Variants in LRP6 observed in about 807,000 individuals in gnomAD.
LRP6 encodes the protein LDL receptor related protein 6.
A neutral mutation model predicts 184.1 loss-of-function variants in LRP6; 43 were observed. The ratio of observed to expected loss-of-function variants is 0.23; its 90% CI spans 0.18 to 0.30. The LOEUF (loss-of-function observed/expected upper bound fraction) is 0.30. Ranked by LOEUF, LRP6 falls within the 10% of genes least tolerant of loss-of-function variation. LRP6 has a pLI of 1.00. For missense variants in LRP6, 1,571 were observed against 2,005.3 expected (o/e 0.78, Z 4.14); for synonymous variants, 719 against 684.9 (o/e 1.05, Z -0.78).
At chr12:12,251,056 T>A (rs7302733) in intron 1 of LRP6, among the ~76,000 whole-genome samples, 6 of 151,798 alleles carry the variant, frequency 4.0e-5, no homozygotes, top group African/African-American at 1.2e-4. Context: ...TCAGCCTCCC[T>A]CGTAGGTGGG....
At position 12,266,854 on chromosome 12, in the gene LRP6, G is replaced by C; in HGVS notation, c.-119C>G. The C allele has an allele frequency of 1.2e-6, 1 of 850,264 alleles. No homozygotes were observed. The allele number at this position is 850,264 out of a possible 1,614,324, so 52.7% of individuals were successfully genotyped here. A position where few individuals can be genotyped will look rare whatever the true frequency, so the allele number is the denominator to read the frequency against. On this transcript the variant is annotated 5_prime_UTR_variant, in exon 1 of 23. Coordinates refer to ENST00000261349, the MANE Select transcript of LRP6 (RefSeq NM_002336.3). ...CACGCTCATACTTCCCAGCTTCCCAGCGAGAGAAGAAAGAAAGGGGCACGT... is the reference window on the plus strand; with the variant it reads ...CACGCTCATACTTCCCAGCTTCCCACCGAGAGAAGAAAGAAAGGGGCACGT...
chr12:12,235,506 G>A (rs376874681), intron 2 of LRP6, among the ~76,000 whole-genome samples: 32 of 152,116 alleles, frequency 2.1e-4, no homozygotes, highest in African/African-American at 7.5e-4. Context: ...CAAAGCAGGC[G>A]GATCACCTGA....
chr12:12,231,718 A>C (rs1864795155), intron 2 of LRP6, among the ~76,000 whole-genome samples: 1 of 151,638 alleles, frequency 6.6e-6, no homozygotes, highest in South Asian at 2.1e-4. Flanking sequence ...AAACAACAAC[A>C]AAAAAAACTC....
chr12:12,120,042 T>TATATATAA lies in LRP6; in HGVS notation c.*1083_*1084insTTATATAT, dbSNP rs1353537300. On this transcript the variant is annotated 3_prime_UTR_variant, in exon 23 of 23. Coordinates refer to ENST00000261349, the MANE Select transcript of LRP6 (RefSeq NM_002336.3). ...ATATATATATATATATATATATATA[T>TATATATAA]AAATGATTTCGTACTGTGATATATG... 2.7e-5 allele frequency: 3 copies of TATATATAA among 110,846 alleles called. No homozygotes were observed. Among genetic ancestry groups the TATATATAA allele is most frequent in the African/African-American group, 1.1e-4 (3 of 28,288 alleles). 6.9% of individuals were successfully genotyped at this position (110,846 alleles called of 1,614,324 possible).
intron 12 of LRP6, among the ~76,000 whole-genome samples, chr12:12,154,310 T>C (rs536435335): frequency 3.3e-5 from 5 of 152,198 alleles, no homozygotes; most frequent in Non-Finnish European, 7.3e-5. Context: ...GTTCTTGACA[T>C]AAATGTCATT....
rs193257738 is a variant in LRP6 at position 12,198,129 on chromosome 12, G to A, written c.647+5074C>T. On this transcript the variant is annotated intron_variant, in intron 3 of 22. Transcript: ENST00000261349. ...AGGCAGGGTTTCACCATGTTGGCCA[G>A]GATGGTCTCACTCCTGACTTCAGGC... 2.0e-3 allele frequency among the ~76,000 whole-genome samples: 303 copies of A among 152,302 alleles called. 1 individual carries two copies. Among genetic ancestry groups the A allele is most frequent in the African/African-American group, 6.9e-3 (285 of 41,566 alleles).
At chr12:12,187,211 C>T in intron 3 of LRP6, 92 bp from the exon 4 acceptor site, 2 of 1,012,418 alleles carry the variant, frequency 2.0e-6, no homozygotes, top group Non-Finnish European at 1.5e-6. Context: ...TCTTAGTTCA[C>T]ATTAACACAT....
intron 20 of LRP6, 50 bp from the exon 21 acceptor site, chr12:12,125,482 T>G: frequency 6.5e-7 from 1 of 1,532,232 alleles, no homozygotes. Context: ...TATATAAAAA[T>G]GTATCAAGCA....
chr12:12,141,900 T>C (rs1323336827), intron 15 of LRP6, among the ~76,000 whole-genome samples: 1 of 152,212 alleles, frequency 6.6e-6, no homozygotes, highest in Admixed American at 6.5e-5. Context: ...GTCCTTTCTA[T>C]CTGCAAACTT....
At chr12:12,143,861 C>A (rs1441685722) in intron 15 of LRP6, among the ~76,000 whole-genome samples, 1 of 152,076 alleles carries the variant, frequency 6.6e-6, no homozygotes, top group Non-Finnish European at 1.5e-5. Flanking sequence ...TTATGTGGTA[C>A]AAGTTTTTTT....
intron 1 of LRP6, chr12:12,249,405 C>T (rs950355037): frequency 9.4e-6 from 8 of 851,140 alleles, no homozygotes; most frequent in African/African-American, 3.3e-5. Flanking sequence ...CCTCAGCCAC[C>T]TCAAGGACAG....
intron 7 of LRP6, among the ~76,000 whole-genome samples, chr12:12,173,446 G>A (rs1049294250): frequency 5.3e-5 from 8 of 152,076 alleles, no homozygotes; most frequent in Non-Finnish European, 1.0e-4. Context: ...AGACTCAGGT[G>A]ATCCTCCCAC....
chr12:12,164,715 A>C (rs1209737722), intron 8 of LRP6, among the ~76,000 whole-genome samples, 153 bp from the exon 9 acceptor site: 1 of 152,108 alleles, frequency 6.6e-6, no homozygotes, highest in African/African-American at 2.4e-5. Context: ...TATCACAAAC[A>C]AGTAATATGC....
chr12:12,133,576 C>G (rs565935459), intron 17 of LRP6, among the ~76,000 whole-genome samples: 1 of 152,130 alleles, frequency 6.6e-6, no homozygotes, highest in South Asian at 2.1e-4. Flanking sequence ...TATAAGTTAC[C>G]CAGCCTCAGG....
chr12:12,219,665 T>A (rs954502882), intron 2 of LRP6, among the ~76,000 whole-genome samples: 1 of 152,238 alleles, frequency 6.6e-6, no homozygotes, highest in South Asian at 2.1e-4. Flanking sequence ...TATATGGCAC[T>A]GGAGGGGGCT....
chr12:12,239,457 A>G (rs1865005554), intron 2 of LRP6, among the ~76,000 whole-genome samples: 1 of 152,226 alleles, frequency 6.6e-6, no homozygotes, highest in South Asian at 2.1e-4. Flanking sequence ...AAAATTTCTA[A>G]AAGAAATATA....
intron 22 of LRP6, among the ~76,000 whole-genome samples, chr12:12,123,901 G>A (rs1398614922): frequency 6.6e-6 from 1 of 152,148 alleles, no homozygotes; most frequent in African/African-American, 2.4e-5. Context: ...CTCTGAGTAT[G>A]TTGCTGTTTT....
At chr12:12,240,759 G>T (rs1379612433) in intron 2 of LRP6, among the ~76,000 whole-genome samples, 1 of 152,054 alleles carries the variant, frequency 6.6e-6, no homozygotes, top group Non-Finnish European at 1.5e-5. Flanking sequence ...ACTTGACACA[G>T]GTCCTCAACA....
At chr12:12,152,050 A>T (rs1054327112) in intron 12 of LRP6, among the ~76,000 whole-genome samples, 1 of 151,890 alleles carries the variant, frequency 6.6e-6, no homozygotes, top group African/African-American at 2.4e-5. Context: ...TTTGAATTGT[A>T]CTCCCACAAT....
Sources: gnomAD v4.1 joint callset for allele counts (sites outside exome capture counted in the v4.1 genomes callset) on GRCh38, gnomAD v4.1.1 for gene constraint, MANE v1.5 for transcripts, NCBI Gene and HGNC (gene_info 2026-07-23, HGNC 2026-07-21) for gene names.